The following ATP11A variants were observed in gnomAD, a reference collection of about 807,000 sequenced individuals.
ATP11A encodes the protein ATPase phospholipid transporting 11A, also known as phospholipid-transporting ATPase IH.
ATP11A carries 81 observed loss-of-function variants against 154.4 expected under a neutral mutation model. That is an observed-to-expected ratio of 0.52 (90% CI 0.44 to 0.63). The LOEUF (loss-of-function observed/expected upper bound fraction) is 0.63, where lower values mean the gene tolerates loss of function less well. Among genes scored for constraint, ATP11A ranks in the 30% least tolerant of loss-of-function variants. ATP11A has a pLI of 0.00. For missense variants in ATP11A, 1,316 were observed against 1,474.3 expected (o/e 0.89, Z 1.76); for synonymous variants, 623 against 585.9 (o/e 1.06, Z -0.91).
chr13:112,835,974 C>T (rs1253184783), intron 15 of ATP11A, among the ~76,000 whole-genome samples: 1 of 152,236 alleles, frequency 6.6e-6, no homozygotes, highest in Non-Finnish European at 1.5e-5. Context: ...CTCTGCCCCA[C>T]TGGGTACACC....
chr13:112,852,902 T>G (rs1399369031), intron 18 of ATP11A, among the ~76,000 whole-genome samples: 2 of 152,056 alleles, frequency 1.3e-5, no homozygotes, highest in East Asian at 1.9e-4. Context: ...TGAATCGAAT[T>G]GTAGGGCCAG....
intron 1 of ATP11A, among the ~76,000 whole-genome samples, chr13:112,776,889 G>A (rs73567149): frequency 0.045 from 6,711 of 149,646 alleles, 465 homozygotes; most frequent in African/African-American, 0.15. Context: ...GAGCCCCCGC[G>A]ACCAGCCGAG....
chr13:112,745,461 C>G (rs758661776), intron 1 of ATP11A: 1 of 152,190 alleles, frequency 6.6e-6, no homozygotes, highest in African/African-American at 2.4e-5. Context: ...ATCATTCATT[C>G]TTTTATTCAG....
chr13:112,814,801 A>G (rs1318745062), intron 5 of ATP11A, among the ~76,000 whole-genome samples: 2 of 152,074 alleles, frequency 1.3e-5, no homozygotes, highest in African/African-American at 2.4e-5. Context: ...CTTCCCCCTC[A>G]ATCTTCTTTT....
chr13:112,841,647 G>A lies in ATP11A; in HGVS notation c.1706-629G>A, dbSNP rs113293807. On this transcript the variant is annotated intron_variant, in intron 16 of 29. Transcript: ENST00000375645. ...GTCCAGGGATGCTTCAGGTGCAGAG[G>A]GGGCTCTGTGTGTCAGGAGCAGGTG... 9.2e-3 allele frequency among the ~76,000 whole-genome samples: 1,404 copies of A among 152,378 alleles called. 25 individuals are homozygous for A. Among genetic ancestry groups the A allele is most frequent in the East Asian group, 0.074 (383 of 5,182 alleles).
At chr13:112,867,554 C>T (rs957563878) in intron 25 of ATP11A, among the ~76,000 whole-genome samples, 2 of 152,200 alleles carry the variant, frequency 1.3e-5, no homozygotes, top group Non-Finnish European at 2.9e-5. Context: ...GCAGCGTCTC[C>T]GCCTTCTCGG....
At chr13:112,863,405 C>G (rs199702783) in intron 25 of ATP11A, among the ~76,000 whole-genome samples, 7 of 91,222 alleles carry the variant, frequency 7.7e-5, no homozygotes, top group African/African-American at 1.7e-4. Context: ...CCATCACCAC[C>G]TGCGCAGTAA....
At position 112,807,699 on chromosome 13, in the gene ATP11A, C is replaced by T. The variant is rs74115492; in HGVS notation, c.333+1406C>T. On this transcript the variant is annotated intron_variant, in intron 4 of 29. Transcript: ENST00000375645. The surrounding 1 kb of genome is among the most constrained non-coding windows in gnomAD (Gnocchi z 4.5). The stretch of plus-strand genomic sequence containing the variant: ...TACTCGGGGACCTGCCATGTGTCCT[C>T]GGGCCCAAAGTCACAGTTTCCAGGA... Among the ~76,000 whole-genome samples, 372 of 152,242 alleles carry T rather than the reference C, an allele frequency of 2.4e-3. 2 individuals are homozygous for T. Among genetic ancestry groups the T allele is most frequent in the African/African-American group, 8.3e-3 (343 of 41,538 alleles).
intron 28 of ATP11A, among the ~76,000 whole-genome samples, chr13:112,877,667 C>A (rs528600419): frequency 6.6e-6 from 1 of 152,156 alleles, no homozygotes; most frequent in South Asian, 2.1e-4. Context: ...TGCAGAGGTG[C>A]TTGGTCAAAG....
chr13:112,874,227 G>T (rs1199974694), intron 27 of ATP11A, among the ~76,000 whole-genome samples: 1 of 152,164 alleles, frequency 6.6e-6, no homozygotes, highest in African/African-American at 2.4e-5. Context: ...AGGCACGCAG[G>T]CCCGGGCGGG....
intron 25 of ATP11A, among the ~76,000 whole-genome samples, chr13:112,870,555 TC>T (rs2080483628): frequency 6.6e-6 from 1 of 152,196 alleles, no homozygotes; most frequent in South Asian, 2.1e-4. Context: ...ATGTTTGTAT[TC>T]TTAGTAGAGA....
rs187283379 is a variant in ATP11A, at chr13:112,796,872, C to T, written c.163-8085C>T. On this transcript the variant is annotated intron_variant, in intron 2 of 29. Coordinates refer to ENST00000375645, the MANE Select transcript of ATP11A (RefSeq NM_015205.3). The stretch of plus-strand genomic sequence containing the variant: ...AGAGACTGACGTGGTGTGCAAAGGA[C>T]CCGTGACCTTGAGACATGTCCATAG... 4.6e-5 allele frequency among the ~76,000 whole-genome samples: 7 copies of T among 152,118 alleles called. No individual in the cohort carries two copies. In the East Asian group the frequency reaches 1.4e-3, roughly 29 times the overall value.
Position 112,859,329 on chromosome 13 carries a change from C to A in ATP11A, c.2668-64C>A. 1 of 1,408,980 alleles carries A rather than the reference C, an allele frequency of 7.1e-7. No individual in the cohort carries two copies. The allele number at this position is 1,408,980 out of a possible 1,614,324, so 87.3% of individuals were successfully genotyped here. Reference sequence around the variant, plus strand: ...TCCTCCCATGTGGGGTGGGCCACGTCGGTAGGTGGCGGCTGCCTCCCTCTG... The same window carrying A: ...TCCTCCCATGTGGGGTGGGCCACGTAGGTAGGTGGCGGCTGCCTCCCTCTG... On this transcript the variant is annotated intron_variant, in intron 22 of 29. Transcript: ENST00000375645. The surrounding 1 kb of genome is among the most constrained non-coding windows in gnomAD (Gnocchi z 4.3).
intron 1 of ATP11A, among the ~76,000 whole-genome samples, chr13:112,758,751 C>T (rs1027520750): frequency 8.5e-5 from 13 of 152,180 alleles, no homozygotes; most frequent in African/African-American, 3.1e-4. Context: ...CTTGCTAGCT[C>T]CTCTCGCACT....
chr13:112,845,184 C>T (rs1241905614), intron 17 of ATP11A, among the ~76,000 whole-genome samples: 1 of 151,524 alleles, frequency 6.6e-6, no homozygotes, highest in Non-Finnish European at 1.5e-5. Context: ...GCAGTACTAA[C>T]CAGTCCAGTT....
At chr13:112,811,161 A>AACACACACACACACAC (rs10695491) in intron 5 of ATP11A, among the ~76,000 whole-genome samples, 1,691 of 115,572 alleles carry the variant, frequency 0.015, 53 homozygotes, top group African/African-American at 0.019. Context: ...TGCCCCTTCC[A>AACACACACACACACAC]ACACACACAC....
chr13:112,818,185 CGGTGCGCTTGGTGACGGGCAGTGACTGTT>C (rs2078696740), intron 6 of ATP11A, among the ~76,000 whole-genome samples: 2 of 126,994 alleles, frequency 1.6e-5, no homozygotes, highest in East Asian at 2.4e-4. Context: ...CGGTGACCGT[CGGTGCGCTTGGTGACGGGCAGTGACTGTT>C]GGTGCGCTTG....
At chr13:112,730,580 T>C (rs1890380942) in intron 1 of ATP11A, among the ~76,000 whole-genome samples, 1 of 152,200 alleles carries the variant, frequency 6.6e-6, no homozygotes, top group Admixed American at 6.5e-5. Context: ...GAGCACCGGG[T>C]GCCTGCGCAG....
At chr13:112,771,937 G>A (rs1446945283) in intron 1 of ATP11A, among the ~76,000 whole-genome samples, 3 of 152,200 alleles carry the variant, frequency 2.0e-5, no homozygotes, top group Non-Finnish European at 2.9e-5. Context: ...TGGGCTGGGC[G>A]GGGTGGTCCG....
Sources: gnomAD v4.1 joint callset for allele counts (sites outside exome capture counted in the v4.1 genomes callset) on GRCh38, gnomAD v4.1.1 for gene constraint, Gnocchi (gnomAD v3.1) non-coding constraint, MANE v1.5 for transcripts, NCBI Gene and HGNC (gene_info 2026-07-23, HGNC 2026-07-21) for gene names.